Variants in SORCS2 observed in about 807,000 individuals in gnomAD.
SORCS2 encodes the protein sortilin related VPS10 domain containing receptor 2, also known as VPS10 domain-containing receptor SorCS2.
A neutral mutation model predicts 141.6 loss-of-function variants in SORCS2; 100 were observed. The ratio of observed to expected loss-of-function variants is 0.71; its 90% CI spans 0.60 to 0.83. The LOEUF (loss-of-function observed/expected upper bound fraction) is 0.83. Ranked by LOEUF, SORCS2 falls within the 40% of genes least tolerant of loss-of-function variation. The pLI, the probability that SORCS2 is intolerant of heterozygous loss-of-function variation, is 0.00. For missense variants in SORCS2, 1,646 were observed against 1,560.2 expected (o/e 1.05, Z -0.93); for synonymous variants, 789 against 676.9 (o/e 1.17, Z -2.57).
chr4:7,267,997 A>G (rs1714861730), intron 1 of SORCS2, among the ~76,000 whole-genome samples: 1 of 152,192 alleles, frequency 6.6e-6, no homozygotes, highest in African/African-American at 2.4e-5. Flanking sequence ...TGGAGCCGGA[A>G]GATGCAGGCC....
chr4:7,259,020 A>T (rs1030200485), intron 1 of SORCS2, among the ~76,000 whole-genome samples: 2 of 152,012 alleles, frequency 1.3e-5, no homozygotes, highest in Non-Finnish European at 2.9e-5. Flanking sequence ...TAGATTCTGG[A>T]TATTAGCCCT....
intron 1 of SORCS2, among the ~76,000 whole-genome samples, chr4:7,358,436 G>A (rs1721390318): frequency 6.6e-6 from 1 of 152,252 alleles, no homozygotes; most frequent in Non-Finnish European, 1.5e-5. Flanking sequence ...TTATGATGAT[G>A]ATAATTATTC....
At chr4:7,325,637 A>G (rs16840043) in intron 1 of SORCS2, among the ~76,000 whole-genome samples, 10,005 of 152,216 alleles carry the variant, frequency 0.066, 672 homozygotes, top group African/African-American at 0.17. Context: ...TAATGAGTTC[A>G]CTATACCTTG....
chr4:7,426,885 C>G (rs75953090), intron 2 of SORCS2, among the ~76,000 whole-genome samples: 2,687 of 152,296 alleles, frequency 0.018, 71 homozygotes, highest in African/African-American at 0.061. Flanking sequence ...TCCGGCAATG[C>G]CCAGTTGTGC....
intron 1 of SORCS2, 157 bp from the exon 2 acceptor site, chr4:7,396,131 T>C (rs186214229): frequency 1.6e-6 from 1 of 612,066 alleles, no homozygotes; most frequent in African/African-American, 1.8e-5. Context: ...TCATGTAGGG[T>C]GGCCCAGAGC....
chr4:7,567,271 C>T (rs919886594), intron 3 of SORCS2, among the ~76,000 whole-genome samples: 3 of 152,082 alleles, frequency 2.0e-5, no homozygotes, highest in Non-Finnish European at 2.9e-5. Flanking sequence ...AAACTGTATT[C>T]AGATTTCCTT....
chr4:7,670,461 C>A (rs552578509), intron 8 of SORCS2, among the ~76,000 whole-genome samples: 2 of 152,226 alleles, frequency 1.3e-5, no homozygotes, highest in East Asian at 3.9e-4. Context: ...GTGAAATATT[C>A]CTGTATTTGC....
chr4:7,237,321 C>T (rs1435082017), intron 1 of SORCS2, among the ~76,000 whole-genome samples: 1 of 152,162 alleles, frequency 6.6e-6, no homozygotes, highest in Non-Finnish European at 1.5e-5. Context: ...TGAAGAAAGG[C>T]TTTATGCTCC....
intron 1 of SORCS2, among the ~76,000 whole-genome samples, chr4:7,285,696 C>G (rs1716171692): frequency 6.6e-6 from 1 of 152,244 alleles, no homozygotes; most frequent in South Asian, 2.1e-4. Context: ...GGGCCTCGTT[C>G]TTCCTTCTCG....
chr4:7,424,507 G>A (rs1188734360), intron 2 of SORCS2, among the ~76,000 whole-genome samples: 1 of 152,150 alleles, frequency 6.6e-6, no homozygotes, highest in Non-Finnish European at 1.5e-5. Context: ...AATTGGGGGA[G>A]GAAATGCAGG....
intron 2 of SORCS2, among the ~76,000 whole-genome samples, chr4:7,519,348 A>G (rs1476242580): frequency 2.0e-5 from 3 of 152,180 alleles, no homozygotes; most frequent in African/African-American, 7.2e-5. Context: ...GAGAACCACA[A>G]TGCCACTTCC....
chr4:7,391,663 G>A (rs376120267), intron 1 of SORCS2, among the ~76,000 whole-genome samples: 1 of 152,100 alleles, frequency 6.6e-6, no homozygotes, highest in Non-Finnish European at 1.5e-5. Context: ...GTCAGTGGAC[G>A]TGGGGGCTGG....
chr4:7,299,966 T>G (rs1451806984), intron 1 of SORCS2, among the ~76,000 whole-genome samples: 1 of 152,222 alleles, frequency 6.6e-6, no homozygotes, highest in Non-Finnish European at 1.5e-5. Context: ...TTCTAGCCCC[T>G]GCTGAGCTGT....
chr4:7,614,004 TCAATCATACACCCATTCAC>T (rs1718591312), intron 3 of SORCS2, among the ~76,000 whole-genome samples: 3 of 150,594 alleles, frequency 2.0e-5, no homozygotes, highest in African/African-American at 7.3e-5. Context: ...CACCTATTCA[TCAATCATACACCCATTCAC>T]CATCATTCAC....
rs373371099 is a variant in SORCS2, at chr4:7,480,520, C to T, written c.549-51010C>T. On this transcript the variant is annotated intron_variant, in intron 2 of 26. Transcript: ENST00000507866. ...GCGTGCTGGGAGTGCAGGCTGTGTT[C>T]AGAACAGGCACCCGCCAAGGGGGCG... Among the ~76,000 whole-genome samples the T allele has an allele frequency of 2.6e-4, 39 of 152,340 alleles. No individual in the cohort carries two copies. The East Asian group carries it at 5.6e-3, about 22-fold the overall frequency.
At chr4:7,433,815 G>T (rs765798690) in intron 2 of SORCS2, 1 of 1,613,778 alleles carries the variant, frequency 6.2e-7, no homozygotes, top group Non-Finnish European at 8.5e-7. Context: ...CCTTCTCTGG[G>T]GTGATTTTGG....
intron 3 of SORCS2, among the ~76,000 whole-genome samples, chr4:7,630,912 G>C (rs757179982): frequency 3.9e-5 from 6 of 152,044 alleles, no homozygotes; most frequent in Non-Finnish European, 8.8e-5. Flanking sequence ...GGCTAAACTT[G>C]GTAAAGGGCA....
chr4:7,687,698 C>CT (rs1723964130), intron 10 of SORCS2, among the ~76,000 whole-genome samples: 1 of 152,118 alleles, frequency 6.6e-6, no homozygotes, highest in Admixed American at 6.5e-5. Flanking sequence ...TTCAACCTTT[C>CT]TTTTTTTGGT....
intron 1 of SORCS2, among the ~76,000 whole-genome samples, chr4:7,362,409 T>C (rs997061145): frequency 6.6e-6 from 1 of 152,130 alleles, no homozygotes; most frequent in African/African-American, 2.4e-5. Flanking sequence ...CAGGCCCTGA[T>C]CTCAAGCCCT....
Sources: gnomAD v4.1 joint callset for allele counts (sites outside exome capture counted in the v4.1 genomes callset) on GRCh38, gnomAD v4.1.1 for gene constraint, MANE v1.5 for transcripts, NCBI Gene and HGNC (gene_info 2026-07-23, HGNC 2026-07-21) for gene names.